MYO3B: variants seen among roughly 807,000 people sequenced by gnomAD.
MYO3B encodes myosin IIIB.
Under a neutral mutation model 174.6 loss-of-function variants are expected in MYO3B, and 156 were observed. That is an observed-to-expected ratio of 0.89 (90% CI 0.78 to 1.02). The LOEUF (loss-of-function observed/expected upper bound fraction) is 1.02. Ranked by LOEUF, MYO3B falls within the 50% of genes least tolerant of loss-of-function variation. MYO3B has a pLI of 0.00. For synonymous variants in MYO3B, 563 were observed against 569.1 expected (o/e 0.99, Z 0.15); for missense variants, 1,632 against 1,639.4 (o/e 1.00, Z 0.08).
intron 8 of MYO3B, chr2:170,344,434 C>T (rs894577027): frequency 7.7e-5 from 11 of 142,196 alleles, no homozygotes; most frequent in African/African-American, 5.4e-5. Flanking sequence ...TCACTGCACT[C>T]CAGCCTGGGT....
chr2:170,594,219 C>A (rs1237881923), intron 32 of MYO3B, among the ~76,000 whole-genome samples: 2 of 152,086 alleles, frequency 1.3e-5, no homozygotes, highest in African/African-American at 4.8e-5. Context: ...ATATGGCTAC[C>A]TCTTGACCTC....
At chr2:170,433,754 A>G (rs942630463) in intron 22 of MYO3B, among the ~76,000 whole-genome samples, 1 of 152,252 alleles carries the variant, frequency 6.6e-6, no homozygotes, top group East Asian at 1.9e-4. Flanking sequence ...CACAATGTGC[A>G]GAGGCTATAC....
rs528321397 is a variant in MYO3B at position 170,521,524 on chromosome 2, C to T, written c.3575+1984C>T. On this transcript the variant is annotated intron_variant, in intron 30 of 34. Coordinates refer to ENST00000408978, the MANE Select transcript of MYO3B (RefSeq NM_138995.5). ...GACAGTGCTCTGAGCTCTTCCACCG[C>T]CCTTCTCTTCACCTTAGAATCTCTC... Among the ~76,000 whole-genome samples, 9 of 152,308 alleles carry T rather than the reference C, an allele frequency of 5.9e-5. No individual in the cohort carries two copies. The East Asian group carries it at 1.7e-3, about 29-fold the overall frequency.
chr2:170,534,283 A>C (rs1689544595), intron 30 of MYO3B, among the ~76,000 whole-genome samples: 1 of 152,218 alleles, frequency 6.6e-6, no homozygotes, highest in South Asian at 2.1e-4. Context: ...CACTTAATAG[A>C]TAATAGTGTA....
intron 2 of MYO3B, among the ~76,000 whole-genome samples, chr2:170,199,945 G>T (rs1435732696): frequency 1.3e-5 from 2 of 152,138 alleles, no homozygotes; most frequent in African/African-American, 4.8e-5. Flanking sequence ...GAAGGTGTAG[G>T]TTGTAATATT....
chr2:170,276,093 T>C (rs950934423), intron 7 of MYO3B, among the ~76,000 whole-genome samples: 1 of 152,202 alleles, frequency 6.6e-6, no homozygotes, highest in Non-Finnish European at 1.5e-5. Context: ...TAAATTTTAC[T>C]CCTAGAATAG....
intron 32 of MYO3B, among the ~76,000 whole-genome samples, chr2:170,568,496 T>C (rs1692218414): frequency 6.6e-6 from 1 of 152,238 alleles, no homozygotes; most frequent in Admixed American, 6.5e-5. Flanking sequence ...TCCACACAGA[T>C]GGCATTGGTT....
chr2:170,563,076 C>CACTACACACACAT (rs1691833260), intron 32 of MYO3B, among the ~76,000 whole-genome samples: 1 of 144,684 alleles, frequency 6.9e-6, no homozygotes, highest in Non-Finnish European at 1.5e-5. Context: ...TAGACACACA[C>CACTACACACACAT]ACTACACACA....
intron 8 of MYO3B, among the ~76,000 whole-genome samples, chr2:170,358,152 C>CAA (rs60194651): frequency 1.9e-4 from 25 of 134,530 alleles, no homozygotes; most frequent in Admixed American, 6.0e-4. Flanking sequence ...AACTCCTTCT[C>CAA]AAAAAAAAAA....
At chr2:170,380,835 GC>G (rs1273667605) in intron 9 of MYO3B, among the ~76,000 whole-genome samples, 1 of 152,172 alleles carries the variant, frequency 6.6e-6, no homozygotes, top group Non-Finnish European at 1.5e-5. Context: ...GACTGAGTAG[GC>G]CGGGTGCAGT....
chr2:170,238,532 G>T (rs138786249), intron 7 of MYO3B, among the ~76,000 whole-genome samples: 1 of 152,264 alleles, frequency 6.6e-6, no homozygotes, highest in Non-Finnish European at 1.5e-5. Flanking sequence ...TCCTTTTCAG[G>T]GTATGTTGGG....
chr2:170,246,931 C>A (rs564337038), intron 7 of MYO3B, among the ~76,000 whole-genome samples: 1 of 152,214 alleles, frequency 6.6e-6, no homozygotes, highest in South Asian at 2.1e-4. Context: ...GCCAGCCTTC[C>A]ATTCTTCAAC....
chr2:170,569,635 G>T (rs535842302), intron 32 of MYO3B, among the ~76,000 whole-genome samples: 20 of 151,780 alleles, frequency 1.3e-4, no homozygotes, highest in Non-Finnish European at 2.8e-4. Context: ...GCCAAGATGG[G>T]CAGATCACTT....
chr2:170,324,936 A>C (rs2093854830), intron 7 of MYO3B, among the ~76,000 whole-genome samples: 1 of 152,122 alleles, frequency 6.6e-6, no homozygotes, highest in East Asian at 1.9e-4. Context: ...AAGGCACCCC[A>C]GCAGGTGGTC....
chr2:170,571,278 G>A (rs919131461), intron 32 of MYO3B, among the ~76,000 whole-genome samples: 2 of 152,146 alleles, frequency 1.3e-5, no homozygotes, highest in African/African-American at 4.8e-5. Context: ...TTATTATGTT[G>A]TTATGTACAC....
chr2:170,643,091 G>C (rs980730765), intron 32 of MYO3B, among the ~76,000 whole-genome samples: 1 of 150,816 alleles, frequency 6.6e-6, no homozygotes, highest in Non-Finnish European at 1.5e-5. Flanking sequence ...TTTAAAAGTT[G>C]AACAACTGGT....
intron 32 of MYO3B, among the ~76,000 whole-genome samples, chr2:170,616,844 T>A (rs566555863): frequency 6.6e-6 from 1 of 152,238 alleles, no homozygotes; most frequent in African/African-American, 2.4e-5. Flanking sequence ...AGTTTGCTTA[T>A]GTCTAAAGCT....
At chr2:170,372,820 T>C (rs2094258714) in intron 9 of MYO3B, among the ~76,000 whole-genome samples, 1 of 151,988 alleles carries the variant, frequency 6.6e-6, no homozygotes, top group South Asian at 2.1e-4. Context: ...TCAAAGATAG[T>C]CAAGGAAAGG....
intron 7 of MYO3B, among the ~76,000 whole-genome samples, chr2:170,322,266 T>C (rs1469536565): frequency 6.6e-6 from 1 of 152,220 alleles, no homozygotes; most frequent in African/African-American, 2.4e-5. Flanking sequence ...AGTATCCTCC[T>C]TCCTATTTCT....
Sources: allele counts gnomAD v4.1 joint callset (sites outside exome capture counted in the v4.1 genomes callset), GRCh38; gene constraint gnomAD v4.1.1; transcripts MANE v1.5; gene names NCBI Gene and HGNC (gene_info 2026-07-23, HGNC 2026-07-21).